Variants in ADCY8 observed in about 807,000 individuals in gnomAD.
ADCY8 encodes the protein adenylate cyclase type 8.
ADCY8 carries 51 observed loss-of-function variants against 119.7 expected under a neutral mutation model. The ratio of observed to expected loss-of-function variants is 0.43; its 90% CI spans 0.34 to 0.54. The LOEUF is 0.54. Ranked by LOEUF, ADCY8 falls within the 20% of genes least tolerant of loss-of-function variation. The pLI is 0.03. For synonymous variants in ADCY8, 665 were observed against 651.0 expected (o/e 1.02, Z -0.33); for missense variants, 1,383 against 1,598.8 (o/e 0.87, Z 2.30).
Position 130,937,522 on chromosome 8 carries a change from A to G in ADCY8, c.1354-322T>C, listed in dbSNP as rs140826200. 9.1e-4 allele frequency among the ~76,000 whole-genome samples: 139 copies of G among 152,282 alleles called. 3 individuals are homozygous for G. The East Asian group carries it at 0.026, about 28-fold the overall frequency. On this transcript the variant is annotated intron_variant, in intron 4 of 17. Transcript: ENST00000286355. ...CTTGGTCAGGCCTGACAGAGTGCTCATAGTATCTCCTACAAATTCAGCCCC... is the reference window on the plus strand; with the variant it reads ...CTTGGTCAGGCCTGACAGAGTGCTCGTAGTATCTCCTACAAATTCAGCCCC...
chr8:130,863,736 A>C (rs1182748808), intron 9 of ADCY8, among the ~76,000 whole-genome samples: 1 of 152,164 alleles, frequency 6.6e-6, no homozygotes, highest in African/African-American at 2.4e-5. Context: ...GTTACCTTAA[A>C]ATAAAGCATT....
rs151056609 is a variant in ADCY8, at chr8:130,813,770, C to T, written c.2913+299G>A. Among the ~76,000 whole-genome samples the T allele has an allele frequency of 1.0e-2, 1,520 of 152,176 alleles. 11 individuals carry two copies. The highest frequency in any genetic ancestry group is 0.015 in the Non-Finnish European group (1,044 of 68,016). ...GAAGTGAAATTGTTGTGTATATATA[C>T]ATACATACGTACATACACATACATA... is the stretch of plus-strand genomic sequence containing the variant. On this transcript the variant is annotated intron_variant, in intron 14 of 17. Coordinates refer to ENST00000286355, the MANE Select transcript of ADCY8 (RefSeq NM_001115.3).
rs547199115 is a variant in ADCY8 at position 130,898,235 on chromosome 8, T to C, written c.1911+5537A>G. On this transcript the variant is annotated intron_variant, in intron 7 of 17. Transcript: ENST00000286355. Reference sequence around the variant, plus strand: ...AATCCCAATTTTCCCATTTGTGAAGTAGGCACATCACACTTACCCTGTAAG... The same window carrying C: ...AATCCCAATTTTCCCATTTGTGAAGCAGGCACATCACACTTACCCTGTAAG... 1.1e-4 allele frequency among the ~76,000 whole-genome samples: 15 copies of C among 141,790 alleles called. No homozygotes were observed. In the East Asian group the frequency reaches 3.1e-3, roughly 29 times the overall value. The allele number at this position is 141,790 out of a possible 152,430, so 93.0% of individuals were successfully genotyped here. A position where few individuals can be genotyped will look rare whatever the true frequency, so the allele number is the denominator to read the frequency against.
At chr8:130,829,235 G>C (rs919269203) in intron 12 of ADCY8, among the ~76,000 whole-genome samples, 7 of 152,194 alleles carry the variant, frequency 4.6e-5, no homozygotes, top group African/African-American at 1.7e-4. Flanking sequence ...AATATCTTAA[G>C]CACTGATCTT....
intron 1 of ADCY8, among the ~76,000 whole-genome samples, chr8:131,004,874 C>T (rs1446543073): frequency 1.3e-5 from 2 of 152,132 alleles, no homozygotes; most frequent in East Asian, 1.9e-4. Flanking sequence ...GCACTTCTTC[C>T]CCCCTCAACT....
intron 1 of ADCY8, among the ~76,000 whole-genome samples, chr8:131,002,758 T>C (rs1822991862): frequency 1.3e-5 from 2 of 151,738 alleles, no homozygotes; most frequent in Admixed American, 1.3e-4. Context: ...AAAACCTCTA[T>C]TAACAACTTG....
rs536773868 is a variant in ADCY8, at chr8:130,874,344, A to C, written c.2110-6398T>G. ...AAATAAATAAATAAATAAATAAATA[A>C]ATAAATAAATAAAATACACCATTTG... is the stretch of plus-strand genomic sequence containing the variant. On this transcript the variant is annotated intron_variant, in intron 8 of 17. Transcript: ENST00000286355. Among the ~76,000 whole-genome samples, 301 of 112,532 alleles carry C rather than the reference A, an allele frequency of 2.7e-3. 3 individuals carry two copies. Among genetic ancestry groups the C allele is most frequent in the African/African-American group, 8.6e-3 (289 of 33,794 alleles). 73.8% of individuals were successfully genotyped at this position (112,532 alleles called of 152,430 possible). A position where few individuals can be genotyped will look rare whatever the true frequency, so the allele number is the denominator to read the frequency against.
chr8:130,956,699 G>A (rs538278199), intron 2 of ADCY8, among the ~76,000 whole-genome samples: 1 of 152,306 alleles, frequency 6.6e-6, no homozygotes, highest in South Asian at 2.1e-4. Context: ...CGTGTTGTGG[G>A]AGGGACCTGG....
At chr8:130,868,012 ACAT>A in intron 8 of ADCY8, 66 bp from the exon 9 acceptor site, 1 of 1,037,126 alleles carries the variant, frequency 9.6e-7, no homozygotes, top group Non-Finnish European at 1.4e-6. Flanking sequence ...GTTGAGGGAA[ACAT>A]CAAGAAGAAA....
chr8:130,954,252 C>T (rs972682048), intron 2 of ADCY8, among the ~76,000 whole-genome samples: 2 of 152,106 alleles, frequency 1.3e-5, no homozygotes, highest in Non-Finnish European at 2.9e-5. Context: ...AAGAGAATGG[C>T]ACAGGAGATA....
At chr8:130,901,242 C>CTTTTTTTTTTTTTTTTTTTTTTTTT in intron 7 of ADCY8, among the ~76,000 whole-genome samples, 1 of 115,582 alleles carries the variant, frequency 8.7e-6, no homozygotes, top group Non-Finnish European at 1.7e-5. Flanking sequence ...CATCCCTCCT[C>CTTTTTTTTTTTTTTTTTTTTTTTTT]TTTTTTTTTT....
At chr8:131,005,633 A>C (rs1020114525) in intron 1 of ADCY8, among the ~76,000 whole-genome samples, 1 of 152,208 alleles carries the variant, frequency 6.6e-6, no homozygotes, top group Non-Finnish European at 1.5e-5. Flanking sequence ...GGGCTTTGCC[A>C]TGGCTAGCCG....
chr8:130,849,841 A>G (rs774494638), intron 9 of ADCY8, 38 bp from the exon 10 acceptor site: 14 of 1,572,152 alleles, frequency 8.9e-6, no homozygotes, highest in Non-Finnish European at 1.2e-5. Flanking sequence ...ATTGGCATCA[A>G]TTGTCTGAGC....
chr8:130,943,102 A>G (rs979618714), intron 4 of ADCY8, among the ~76,000 whole-genome samples: 1 of 152,158 alleles, frequency 6.6e-6, no homozygotes, highest in Non-Finnish European at 1.5e-5. Flanking sequence ...GATAAAAAGG[A>G]CTGGGGTTTG....
intron 1 of ADCY8, among the ~76,000 whole-genome samples, chr8:131,011,094 G>C (rs1233885127): frequency 6.6e-6 from 1 of 151,872 alleles, no homozygotes; most frequent in Non-Finnish European, 1.5e-5. Flanking sequence ...AGTCTTCTGT[G>C]CCTCGAATCT....
chr8:130,955,760 C>T (rs887422488), intron 2 of ADCY8, among the ~76,000 whole-genome samples: 1 of 152,184 alleles, frequency 6.6e-6, no homozygotes, highest in Admixed American at 6.5e-5. Flanking sequence ...AACTCAGCTA[C>T]TTTTCAGACA....
chr8:130,802,629 G>C (rs1411864864), intron 14 of ADCY8, among the ~76,000 whole-genome samples: 1 of 152,188 alleles, frequency 6.6e-6, no homozygotes. Flanking sequence ...CAACTCCCCA[G>C]TTGGATATGT....
intron 8 of ADCY8, among the ~76,000 whole-genome samples, chr8:130,873,714 C>A (rs543128919): frequency 4.6e-5 from 7 of 152,132 alleles, no homozygotes; most frequent in Admixed American, 6.5e-5. Context: ...TTTACTAATG[C>A]CAGTTTAACT....
chr8:130,925,856 A>G (rs1313214555), intron 5 of ADCY8, among the ~76,000 whole-genome samples: 1 of 152,092 alleles, frequency 6.6e-6, no homozygotes, highest in Non-Finnish European at 1.5e-5. Context: ...GCTCTATTTC[A>G]GATCCTTACT....
Sources: gnomAD v4.1 joint callset for allele counts (sites outside exome capture counted in the v4.1 genomes callset) on GRCh38, gnomAD v4.1.1 for gene constraint, MANE v1.5 for transcripts, NCBI Gene and HGNC (gene_info 2026-07-23, HGNC 2026-07-21) for gene names.